Variants in SACS observed in about 807,000 individuals in gnomAD.
The protein encoded by SACS is sacsin molecular chaperone, also known as sacsin.
Under a neutral mutation model 348.0 loss-of-function variants are expected in SACS, and 197 were observed. The observed-to-expected ratio is 0.57, with a 90% confidence interval of 0.50 to 0.64. The LOEUF is 0.64. Ranked by LOEUF, SACS falls within the 30% of genes least tolerant of loss-of-function variation. The pLI is 0.00. For missense variants in SACS, 4,999 were observed against 5,360.8 expected (o/e 0.93, Z 2.11); for synonymous variants, 1,985 against 1,910.6 (o/e 1.04, Z -1.02).
intron 2 of SACS, among the ~76,000 whole-genome samples, chr13:23,392,870 C>T (rs767008994): frequency 4.6e-5 from 7 of 152,156 alleles, no homozygotes; most frequent in African/African-American, 7.2e-5. Context: ...ATGTGAAGGA[C>T]GGGTTTTGAG....
intron 9 of SACS, among the ~76,000 whole-genome samples, chr13:23,345,730 A>G (rs1331901992): frequency 6.6e-6 from 1 of 152,220 alleles, no homozygotes; most frequent in Non-Finnish European, 1.5e-5. Flanking sequence ...TATATGAATT[A>G]TCACTATAAT....
chr13:23,358,248 G>A, intron 7 of SACS, 87 bp downstream of exon 7: 1 of 1,413,478 alleles, frequency 7.1e-7, no homozygotes, highest in Admixed American at 1.7e-5. Flanking sequence ...CTTTTAAACA[G>A]TATCACCTCT....
chr13:23,394,654 G>C (rs1485160287), intron 2 of SACS, among the ~76,000 whole-genome samples: 1 of 151,830 alleles, frequency 6.6e-6, no homozygotes, highest in East Asian at 1.9e-4. Context: ...AGGAGTTTGA[G>C]ACTGGTTTGG....
At chr13:23,367,404 GA>G (rs767678536) in intron 5 of SACS, among the ~76,000 whole-genome samples, 104 of 152,204 alleles carry the variant, frequency 6.8e-4, no homozygotes, top group Middle Eastern at 3.4e-3. Flanking sequence ...ATCTAAACTA[GA>G]AAATATAACC....
Position 23,339,019 on chromosome 13 carries a change from T to C in SACS, c.4857A>G (p.Lys1619=), listed in dbSNP as rs1183984626. The C allele has an allele frequency of 2.5e-6, 4 of 1,613,676 alleles. No homozygotes were observed. The highest frequency in any genetic ancestry group is 2.2e-5 in the East Asian group (1 of 44,880). The change falls in exon 10 of 10, where the codon AAA becomes AAG. Residue 1619 remains lysine, a synonymous_variant. Transcript: ENST00000382292. ...KRLRKFPNQF[K]PFIDVFGCQL... is the part of the protein sequence containing the mutation. ...GACAGCCAAATACATCTATAAATGG[T>C]TTGAACTGATTAGGAAATTTTCTAA...
At chr13:23,381,430 G>GCA (rs1872055869) in intron 2 of SACS, among the ~76,000 whole-genome samples, 2 of 150,384 alleles carry the variant, frequency 1.3e-5, no homozygotes, top group East Asian at 1.9e-4. Flanking sequence ...GCAGCATGAA[G>GCA]CGCGCGCACA....
At chr13:23,359,928 T>C (rs1238691514) in intron 6 of SACS, among the ~76,000 whole-genome samples, 1 of 152,208 alleles carries the variant, frequency 6.6e-6, no homozygotes, top group Non-Finnish European at 1.5e-5. Flanking sequence ...GCATGACTAC[T>C]ATTTTTAAAA....
chr13:23,361,074 T>C (rs1870705426), intron 6 of SACS, among the ~76,000 whole-genome samples: 1 of 152,108 alleles, frequency 6.6e-6, no homozygotes, highest in Non-Finnish European at 1.5e-5. Flanking sequence ...CTGTCAGAAC[T>C]GCTGTCTCTC....
At chr13:23,375,502 G>A (rs1248744000) in intron 2 of SACS, 3 of 1,133,368 alleles carry the variant, frequency 2.6e-6, no homozygotes, top group Middle Eastern at 3.7e-4. Flanking sequence ...AGCCCGCGCC[G>A]AGGAGGAAAC....
rs1178912631 is a variant in SACS, at chr13:23,330,231, T to C, written c.13645A>G (p.Asn4549Asp). The C allele has an allele frequency of 3.1e-6, 5 of 1,614,130 alleles. No homozygotes were observed. The highest frequency in any genetic ancestry group is 4.2e-6 in the Non-Finnish European group (5 of 1,179,982). The change falls in exon 10 of 10, where the codon AAT becomes GAT. Residue 4549 changes from asparagine (N) to aspartate (D), a missense_variant. Asn to Asp is a conservative substitution (Grantham distance 23). Transcript: ENST00000382292. Reference protein sequence around the residue: ...PDLLPFPQIPNDRFTSEVAMR... With the variant: ...PDLLPFPQIPDDRFTSEVAMR... ...GCAACCTCAGAAGTGAACCTGTCAT[T>C]TGGGATCTGAGGAAAGGGAAGCAAA... is the stretch of plus-strand genomic sequence containing the variant.
At position 23,358,194 on chromosome 13, in the gene SACS, T is replaced by C. The variant is rs575028518; in HGVS notation, c.604+141A>G. 76 of 849,306 alleles carry C rather than the reference T, an allele frequency of 8.9e-5. No homozygotes were observed. The East Asian group carries it at 1.7e-3, about 19-fold the overall frequency. The allele number at this position is 849,306 out of a possible 1,614,324, so 52.6% of individuals were successfully genotyped here. A position where few individuals can be genotyped will look rare whatever the true frequency, so the allele number is the denominator to read the frequency against. On this transcript the variant is annotated intron_variant, in intron 7 of 9. Transcript: ENST00000382292. The stretch of plus-strand genomic sequence containing the variant: ...AAATTCAGTATGCACTGATATTTCA[T>C]TGACATACCTCCTGCTACTGACAGA...
At chr13:23,349,080 T>C (rs1566076247) in intron 9 of SACS, among the ~76,000 whole-genome samples, 1 of 152,248 alleles carries the variant, frequency 6.6e-6, no homozygotes, top group African/African-American at 2.4e-5. Flanking sequence ...GCTAGATTTA[T>C]CCTGATAGAT....
At chr13:23,394,215 A>G (rs1872631461) in intron 2 of SACS, among the ~76,000 whole-genome samples, 1 of 152,130 alleles carries the variant, frequency 6.6e-6, no homozygotes, top group African/African-American at 2.4e-5. Context: ...CCTCTTTTCC[A>G]CTATACCTCG....
intron 2 of SACS, among the ~76,000 whole-genome samples, chr13:23,386,731 G>C (rs1872304889): frequency 6.6e-6 from 1 of 152,138 alleles, no homozygotes; most frequent in African/African-American, 2.4e-5. Flanking sequence ...ACTAAGCTTA[G>C]TCATTTCTAG....
rs777643806 is a variant in SACS at position 23,338,586 on chromosome 13, C to T, written c.5290G>A (p.Val1764Met). The T allele has an allele frequency of 6.2e-7, 1 of 1,614,118 alleles. No homozygotes were observed. Among genetic ancestry groups the T allele is most frequent in the East Asian group, 2.2e-5 (1 of 44,880 alleles). ...CTGAACACATGGTGAAATTCTTCCA[C>T]TGTGATCTGAAGAATGCAAGATGAC... ...PKSSCILQITVEEFHHVFRRI... is the reference protein window; with the variant it reads ...PKSSCILQITMEEFHHVFRRI... Residue 1764 changes from valine to methionine, a missense_variant, in exon 10 of 10, where the codon GTG (valine) becomes ATG (methionine). This residue lies in a region of SACS where 3,156 missense variants were observed against 3,380.1 expected (regional missense o/e 0.93). Transcript: ENST00000382292.
intron 2 of SACS, among the ~76,000 whole-genome samples, chr13:23,399,725 G>C (rs1338955093): frequency 2.0e-5 from 3 of 152,034 alleles, no homozygotes; most frequent in Non-Finnish European, 4.4e-5. Flanking sequence ...GTCTTGCTGA[G>C]AAATCCTTTG....
rs758595733 is a variant in SACS, at chr13:23,331,874, C to T, written c.12002G>A (p.Arg4001Lys). ...QFGALCSLQG[R>K]LQLLLSSEQF... ...TTCAGAAGACAAGAGTAACTGCAAT[C>T]TTCCTTGAAGAGAACACAACGCTCC... Residue 4001 changes from arginine to lysine, a missense_variant, in exon 10 of 10, where the codon AGA becomes AAA. Arg to Lys is a conservative substitution (Grantham distance 26). Around this residue, in one of 6 missense-constraint regions of SACS, gnomAD observed 831 missense variants for 941.8 expected, o/e 0.88. Transcript: ENST00000382292. 1.4e-5 allele frequency: 22 copies of T among 1,613,918 alleles called. No individual in the cohort carries two copies. Among genetic ancestry groups the T allele is most frequent in the African/African-American group, 2.7e-5 (2 of 74,902 alleles).
At position 23,331,379 on chromosome 13, in the gene SACS, T is replaced by A. The variant is rs1184350049; in HGVS notation, c.12497A>T (p.Tyr4166Phe). Reference sequence around the variant, plus strand: ...ATTCATTGGGTCCATAAGCAGAGTGTAATGAATTTCAGCAGGAATTGGTGT... The same window carrying A: ...ATTCATTGGGTCCATAAGCAGAGTGAAATGAATTTCAGCAGGAATTGGTGT... ...PGTPIPAEIH[Y>F]TLLMDPMNVF... The change falls in exon 10 of 10, where the codon TAC (tyrosine) becomes TTC (phenylalanine). Residue 4166 changes from tyrosine to phenylalanine, a missense_variant. By Grantham distance (22) the Tyr-to-Phe change is conservative. This residue lies in a region of SACS where 831 missense variants were observed against 941.8 expected (regional missense o/e 0.88). Transcript: ENST00000382292. The A allele has an allele frequency of 6.2e-7, 1 of 1,613,994 alleles. No homozygotes were observed. Among genetic ancestry groups the A allele is most frequent in the Non-Finnish European group, 8.5e-7 (1 of 1,179,974 alleles).
chr13:23,431,445 G>A (rs992258863), intron 1 of SACS, among the ~76,000 whole-genome samples: 4 of 152,178 alleles, frequency 2.6e-5, no homozygotes, highest in African/African-American at 9.7e-5. Flanking sequence ...AAGGAAAGAC[G>A]GCAGGAGAAA....
Sources: allele counts gnomAD v4.1 joint callset (sites outside exome capture counted in the v4.1 genomes callset), GRCh38; gene constraint gnomAD v4.1.1; regional missense constraint gnomAD v4.1.1; transcripts MANE v1.5; gene names NCBI Gene and HGNC (gene_info 2026-07-23, HGNC 2026-07-21).